The following COX16 variants were observed in gnomAD, a reference collection of about 807,000 sequenced individuals.
COX16 encodes cytochrome c oxidase assembly factor COX16.
Under a neutral mutation model 15.4 loss-of-function variants are expected in COX16, and 12 were observed. The ratio of observed to expected loss-of-function variants is 0.78; its 90% CI spans 0.50 to 1.26. The LOEUF (loss-of-function observed/expected upper bound fraction) is 1.26, where lower values mean the gene tolerates loss of function less well. Ranked by LOEUF, COX16 falls within the 50% of genes most tolerant of loss-of-function variation. The pLI is 0.00. For missense variants in COX16, 124 were observed against 127.6 expected (o/e 0.97, Z 0.14); for synonymous variants, 46 against 41.1 (o/e 1.12, Z -0.46).
At chr14:70,350,619 AAAC>A (rs540462883) in intron 1 of COX16, among the ~76,000 whole-genome samples, 45 of 152,346 alleles carry the variant, frequency 3.0e-4, no homozygotes, top group East Asian at 1.5e-3. Context: ...TATTCTCTAA[AAAC>A]AACAACACAC....
At chr14:70,340,783 A>C (rs767975642) in intron 2 of COX16, among the ~76,000 whole-genome samples, 38 of 152,100 alleles carry the variant, frequency 2.5e-4, no homozygotes, top group Non-Finnish European at 5.3e-4. Flanking sequence ...ATAGAATATA[A>C]GTCATTTCTA....
chr14:70,340,774 T>C (rs1156552282), intron 2 of COX16, among the ~76,000 whole-genome samples: 2 of 152,186 alleles, frequency 1.3e-5, no homozygotes, highest in Non-Finnish European at 2.9e-5. Context: ...CTCTACCTTA[T>C]AGAATATAAG....
Position 70,326,355 on chromosome 14 carries a change from C to T in COX16, c.299G>A (p.Ser100Asn). The change falls in exon 4 of 4, where the codon AGC becomes AAC. Residue 100 changes from serine to asparagine, a missense_variant. Ser to Asn is a conservative substitution (Grantham distance 46). Transcript: ENST00000389912. ...GAGTCAAGTTGTCTTAGTCTTAAGG[C>T]TTTCTGGATTTCTTCCTTGGAGGAG... ...PDLLQGRNPE[S>N]LKTKTT The T allele has an allele frequency of 6.4e-7, 1 of 1,566,074 alleles. No individual in the cohort carries two copies. The highest frequency in any genetic ancestry group is 8.6e-7 in the Non-Finnish European group (1 of 1,156,244).
intron 1 of COX16, among the ~76,000 whole-genome samples, chr14:70,352,302 T>G (rs1886978998): frequency 6.6e-6 from 1 of 152,106 alleles, no homozygotes; most frequent in Non-Finnish European, 1.5e-5. Context: ...TTCTCCTGCC[T>G]CAGCCTCCCG....
intron 1 of COX16, among the ~76,000 whole-genome samples, chr14:70,352,281 G>A (rs1380793691): frequency 6.6e-6 from 1 of 152,128 alleles, no homozygotes; most frequent in Non-Finnish European, 1.5e-5. Context: ...CCGCTTCCCA[G>A]GTTCAAGCAA....
chr14:70,331,625 CAAAATT>C (rs1886294785), intron 2 of COX16, among the ~76,000 whole-genome samples: 1 of 152,078 alleles, frequency 6.6e-6, no homozygotes, highest in South Asian at 2.1e-4. Context: ...AAAAACAAAA[CAAAATT>C]AAACTGACAA....
intron 2 of COX16, 121 bp from the exon 3 acceptor site, chr14:70,329,357 TCTC>T (rs1886204517): frequency 3.9e-6 from 3 of 771,414 alleles, no homozygotes; most frequent in Admixed American, 3.2e-5. Flanking sequence ...CATGGCAAAA[TCTC>T]CACCATCTAC....
intron 2 of COX16, among the ~76,000 whole-genome samples, chr14:70,338,941 G>A (rs935593958): frequency 6.6e-6 from 1 of 152,128 alleles, no homozygotes; most frequent in Non-Finnish European, 1.5e-5. Context: ...CCAGTTGTAT[G>A]TGTCCTTCCA....
rs749805125 is a variant in COX16 at position 70,329,197 on chromosome 14, T to C, written c.181A>G (p.Ile61Val). 3.7e-6 allele frequency: 6 copies of C among 1,608,702 alleles called. No individual in the cohort carries two copies. Among genetic ancestry groups the C allele is most frequent in the Non-Finnish European group, 5.1e-6 (6 of 1,177,218 alleles). The change falls in exon 3 of 4, where the codon ATA becomes GTA. Residue 61 changes from isoleucine to valine, a missense_variant. Physicochemically the swap from Ile to Val is conservative, Grantham distance 29 (BLOSUM62 3). Coordinates refer to ENST00000389912, the MANE Select transcript of COX16 (RefSeq NM_016468.7). ...ACCTCATATTCCGACTCTAAAGATA[T>C]TTTATTCTCTTTCAGTTTTTTTTCA... is the stretch of plus-strand genomic sequence containing the variant. ...ELEKKLKENK[I>V]SLESEYEKIK...
In COX16 at chr14:70,329,155, CTA is replaced by C. The variant is rs773048630; in HGVS notation, c.204+17_204+18del. On this transcript the variant is annotated intron_variant, in intron 3 of 3. Transcript: ENST00000389912. ...GTAACTGATTGTTATAAGACAGAGACTATATTAACATACCGTACCTCATATTC... is the reference window on the plus strand; with the variant it reads ...GTAACTGATTGTTATAAGACAGAGACTATTAACATACCGTACCTCATATTC... 1.3e-6 allele frequency: 2 copies of C among 1,563,854 alleles called. No homozygotes were observed. Among genetic ancestry groups the C allele is most frequent in the Admixed American group, 1.8e-5 (1 of 55,420 alleles).
intron 2 of COX16, among the ~76,000 whole-genome samples, chr14:70,333,425 A>T (rs1157096326): frequency 6.6e-6 from 1 of 152,246 alleles, no homozygotes; most frequent in African/African-American, 2.4e-5. Flanking sequence ...GGAGCTGAAA[A>T]ATACAATGAA....
chr14:70,329,308 T>TAGAAGA (rs1230218147), intron 2 of COX16, 72 bp from the exon 3 acceptor site: 58 of 1,412,264 alleles, frequency 4.1e-5, no homozygotes, highest in Non-Finnish European at 5.3e-5. Context: ...TTTTAAGTTA[T>TAGAAGA]AGAAGAGATG....
At chr14:70,328,914 C>T (rs900558406) in intron 3 of COX16, among the ~76,000 whole-genome samples, 1 of 151,844 alleles carries the variant, frequency 6.6e-6, no homozygotes, top group African/African-American at 2.4e-5. Context: ...CTCAAGACAA[C>T]AAACAAAATT....
intron 3 of COX16, 42 bp downstream of exon 3, chr14:70,329,132 A>T (rs1240077658): frequency 1.8e-5 from 28 of 1,559,502 alleles, no homozygotes; most frequent in Non-Finnish European, 2.4e-5. Context: ...TAAAACCAGT[A>T]ACTGATTGTT....
intron 2 of COX16, among the ~76,000 whole-genome samples, chr14:70,330,365 G>GAATT (rs1348591453): frequency 3.9e-5 from 6 of 152,120 alleles, no homozygotes; most frequent in African/African-American, 1.2e-4. Flanking sequence ...AATCTATAAA[G>GAATT]AATTAAATCT....
intron 1 of COX16, among the ~76,000 whole-genome samples, chr14:70,345,769 C>T (rs180941395): frequency 6.6e-6 from 1 of 152,188 alleles, no homozygotes; most frequent in African/African-American, 2.4e-5. Flanking sequence ...CAAATCCTTC[C>T]CCTCCATTCT....
chr14:70,342,673 A>T lies in COX16; in HGVS notation c.126T>A (p.Asp42Glu). 1 of 1,613,000 alleles carries T rather than the reference A, an allele frequency of 6.2e-7. No individual in the cohort carries two copies. Among genetic ancestry groups the T allele is most frequent in the Non-Finnish European group, 8.5e-7 (1 of 1,179,750 alleles). ...TATTTCTTACTTTACTCTTCACAGC[A>T]TCATATCGGATTTGAGAAAACTCAC... ...GLREFSQIRYDAVKSKMDPEL... is the reference protein window; with the variant it reads ...GLREFSQIRYEAVKSKMDPEL... The change falls in exon 2 of 4, where the codon GAT becomes GAA. Residue 42 changes from aspartate to glutamate, a missense_variant. Transcript: ENST00000389912.
At chr14:70,334,682 G>A (rs747809793) in intron 2 of COX16, among the ~76,000 whole-genome samples, 22 of 152,010 alleles carry the variant, frequency 1.4e-4, no homozygotes, top group Non-Finnish European at 2.5e-4. Flanking sequence ...AAGCCTTGAG[G>A]TAACTGCAAA....
At position 70,342,685 on chromosome 14, in the gene COX16, TTGAGAAAA is replaced by T; in HGVS notation, c.106_113del (p.Phe36AsnfsTer4). The T allele has an allele frequency of 6.2e-7, 1 of 1,613,144 alleles. No individual in the cohort carries two copies. The highest frequency in any genetic ancestry group is 8.5e-7 in the Non-Finnish European group (1 of 1,179,762). ...TACTCTTCACAGCATCATATCGGATTTGAGAAAACTCACGAAGACCAAAAGAACCTCCA... is the reference window on the plus strand; with the variant it reads ...TACTCTTCACAGCATCATATCGGATTCTCACGAAGACCAAAAGAACCTCCA... On this transcript the variant is annotated frameshift_variant, in exon 2 of 4. Transcript: ENST00000389912. LOFTEE classifies it high-confidence loss of function.
Sources: allele counts gnomAD v4.1 joint callset (sites outside exome capture counted in the v4.1 genomes callset), GRCh38; gene constraint gnomAD v4.1.1; transcripts MANE v1.5; gene names NCBI Gene and HGNC (gene_info 2026-07-23, HGNC 2026-07-21).